Variants in DLG2 observed in about 807,000 individuals in gnomAD.
The protein encoded by DLG2 is disks large homolog 2.
Under a neutral mutation model 132.5 loss-of-function variants are expected in DLG2, and 45 were observed. The ratio of observed to expected loss-of-function variants is 0.34; its 90% confidence interval spans 0.27 to 0.44. The LOEUF is 0.44. DLG2 is among the 20% of genes least tolerant of loss of function. DLG2 has a pLI of 1.00. For synonymous variants in DLG2, 424 were observed against 419.6 expected (o/e 1.01, Z -0.13); for missense variants, 1,045 against 1,196.9 (o/e 0.87, Z 1.87).
At chr11:84,080,082 G>A (rs2096882281) in intron 10 of DLG2, among the ~76,000 whole-genome samples, 1 of 152,118 alleles carries the variant, frequency 6.6e-6, no homozygotes, top group Non-Finnish European at 1.5e-5. Context: ...ACCGTGTTGG[G>A]TTGAGAGGTC....
intron 7 of DLG2, among the ~76,000 whole-genome samples, chr11:84,482,752 T>G (rs2099141099): frequency 6.6e-6 from 1 of 152,200 alleles, no homozygotes; most frequent in South Asian, 2.1e-4. Flanking sequence ...AGAGCCCAAA[T>G]ATTATCTTAT....
At chr11:84,134,696 G>A (rs2094538077) in intron 9 of DLG2, among the ~76,000 whole-genome samples, 1 of 129,128 alleles carries the variant, frequency 7.7e-6, no homozygotes, top group Admixed American at 7.2e-5. Flanking sequence ...TGTTATCTGT[G>A]TGTGTGTGTG....
At chr11:84,347,458 A>G (rs1392947793) in intron 7 of DLG2, among the ~76,000 whole-genome samples, 1 of 152,104 alleles carries the variant, frequency 6.6e-6, no homozygotes, top group Non-Finnish European at 1.5e-5. Flanking sequence ...ATCAATCTCA[A>G]CCCTCTCCCT....
chr11:83,999,021 G>A (rs1379971315), intron 11 of DLG2, among the ~76,000 whole-genome samples: 1 of 152,192 alleles, frequency 6.6e-6, no homozygotes, highest in Admixed American at 6.5e-5. Context: ...TGAGGCATGA[G>A]TGATGTAAAC....
chr11:84,205,800 G>C (rs1247949106), intron 8 of DLG2, among the ~76,000 whole-genome samples: 1 of 151,922 alleles, frequency 6.6e-6, no homozygotes, highest in Non-Finnish European at 1.5e-5. Flanking sequence ...CAAAAATGAA[G>C]ATGGTATATT....
intron 18 of DLG2, among the ~76,000 whole-genome samples, chr11:83,714,020 T>C (rs1024762275): frequency 6.6e-6 from 1 of 152,298 alleles, no homozygotes; most frequent in South Asian, 2.1e-4. Flanking sequence ...ATTGGGTCAA[T>C]GTTGTGCAAG....
chr11:83,720,908 C>T (rs2088354428), intron 18 of DLG2: 2 of 152,024 alleles, frequency 1.3e-5, no homozygotes, highest in Non-Finnish European at 2.9e-5. Context: ...CGGGAAGAAA[C>T]CAACCTACCC....
chr11:83,936,706 G>A (rs758520950), intron 14 of DLG2, among the ~76,000 whole-genome samples: 1 of 152,204 alleles, frequency 6.6e-6, no homozygotes, highest in African/African-American at 2.4e-5. Context: ...TCCTTAAAAA[G>A]TGTTTGGGTT....
chr11:84,434,607 G>T (rs1292802701), intron 7 of DLG2, among the ~76,000 whole-genome samples: 3 of 152,082 alleles, frequency 2.0e-5, no homozygotes, highest in Non-Finnish European at 2.9e-5. Context: ...GTATAAAGAA[G>T]CTAATGTATA....
intron 4 of DLG2, among the ~76,000 whole-genome samples, chr11:85,250,476 T>C (rs1338309449): frequency 6.6e-6 from 1 of 152,186 alleles, no homozygotes; most frequent in African/African-American, 2.4e-5. Flanking sequence ...TTAAAAGTTA[T>C]TCATGTACTT....
chr11:84,278,052 T>G (rs989643647), intron 7 of DLG2, among the ~76,000 whole-genome samples: 1 of 146,116 alleles, frequency 6.8e-6, no homozygotes. Context: ...GCTAAGTTTT[T>G]TTTTTTTTTT....
intron 7 of DLG2, among the ~76,000 whole-genome samples, chr11:84,297,867 G>A (rs1026290003): frequency 3.3e-5 from 5 of 151,938 alleles, no homozygotes; most frequent in African/African-American, 1.2e-4. Context: ...CCAACCCTGA[G>A]GTCCTTGCGT....
chr11:85,425,616 G>A (rs556415936), intron 3 of DLG2, among the ~76,000 whole-genome samples: 6 of 152,098 alleles, frequency 3.9e-5, no homozygotes, highest in South Asian at 2.1e-4. Flanking sequence ...TTTCTTAAAC[G>A]TACACCAAAA....
At chr11:83,473,967 TG>T (rs2092366715) in intron 22 of DLG2, among the ~76,000 whole-genome samples, 1 of 151,932 alleles carries the variant, frequency 6.6e-6, no homozygotes, top group African/African-American at 2.4e-5. Flanking sequence ...TGGAATGGGA[TG>T]GGGATAGGAG....
At chr11:84,306,117 A>C (rs1409299719) in intron 7 of DLG2, among the ~76,000 whole-genome samples, 1 of 151,782 alleles carries the variant, frequency 6.6e-6, no homozygotes, top group African/African-American at 2.4e-5. Flanking sequence ...AAAGTAGTTA[A>C]AATAATAGAT....
At chr11:85,444,127 T>G (rs2153034104) in intron 3 of DLG2, among the ~76,000 whole-genome samples, 1 of 152,320 alleles carries the variant, frequency 6.6e-6, no homozygotes, top group South Asian at 2.1e-4. Context: ...ATTCACCTAC[T>G]ACCTCAATGT....
At chr11:83,989,790 T>A (rs1170628164) in intron 11 of DLG2, among the ~76,000 whole-genome samples, 1 of 152,152 alleles carries the variant, frequency 6.6e-6, no homozygotes, top group African/African-American at 2.4e-5. Flanking sequence ...GGGTAGTCCC[T>A]ACTGAAATGA....
At position 83,684,116 on chromosome 11, in the gene DLG2, T is replaced by C. The variant is rs2079301116; in HGVS notation, c.1826-50791A>G. Reference sequence around the variant, plus strand: ...TATGTAACTATACACTTACAGCCACTAAGTCATGGTGTGCCAAGCAGGAAG... The same window carrying C: ...TATGTAACTATACACTTACAGCCACCAAGTCATGGTGTGCCAAGCAGGAAG... On this transcript the variant is annotated intron_variant, in intron 18 of 27. Transcript: ENST00000376104. Among the ~76,000 whole-genome samples the C allele has an allele frequency of 4.6e-5, 7 of 151,962 alleles. No individual in the cohort carries two copies. The South Asian group carries it at 1.5e-3, about 32-fold the overall frequency.
intron 6 of DLG2, among the ~76,000 whole-genome samples, chr11:84,807,662 G>T (rs566295292): frequency 1.3e-5 from 2 of 152,004 alleles, no homozygotes; most frequent in Non-Finnish European, 2.9e-5. Flanking sequence ...AAATAGGAAA[G>T]GTGTATCAGG....
Sources: allele counts gnomAD v4.1 joint callset (sites outside exome capture counted in the v4.1 genomes callset), GRCh38; gene constraint gnomAD v4.1.1; transcripts MANE v1.5; gene names NCBI Gene and HGNC (gene_info 2026-07-23, HGNC 2026-07-21).